The following MSL2 variants were observed in gnomAD, a reference collection of about 807,000 sequenced individuals.
The protein encoded by MSL2 is MSL complex subunit 2.
MSL2 carries 2 observed loss-of-function variants against 35.8 expected under a neutral mutation model. The observed-to-expected ratio is 0.06, with a 90% CI of 0.02 to 0.18. The LOEUF (loss-of-function observed/expected upper bound fraction) is 0.18. Among genes scored for constraint, MSL2 ranks in the 10% least tolerant of loss-of-function variants. The pLI is 1.00. For synonymous variants in MSL2, 296 were observed against 255.7 expected (o/e 1.16, Z -1.50); for missense variants, 523 against 706.7 (o/e 0.74, Z 2.95).
At chr3:136,160,089 T>C (rs956247965) in intron 1 of MSL2, among the ~76,000 whole-genome samples, 3 of 150,454 alleles carry the variant, frequency 2.0e-5, no homozygotes, top group Non-Finnish European at 3.0e-5. Context: ...CTGGCCAATG[T>C]GGCAAAACCC....
At chr3:136,160,918 C>T (rs1478193159) in intron 1 of MSL2, among the ~76,000 whole-genome samples, 1 of 151,836 alleles carries the variant, frequency 6.6e-6, no homozygotes, top group African/African-American at 2.4e-5. Flanking sequence ...GAAACCCCAT[C>T]TCTACTAAAA....
intron 1 of MSL2, among the ~76,000 whole-genome samples, chr3:136,167,909 T>C (rs1939897031): frequency 6.6e-6 from 1 of 152,164 alleles, no homozygotes; most frequent in African/African-American, 2.4e-5. Flanking sequence ...ATATGTGGCA[T>C]CCTACAAAAG....
intron 1 of MSL2, among the ~76,000 whole-genome samples, chr3:136,176,937 T>C (rs1940196677): frequency 6.6e-6 from 1 of 152,162 alleles, no homozygotes; most frequent in Non-Finnish European, 1.5e-5. Flanking sequence ...CTATAAAAGA[T>C]AACAAGCTCA....
chr3:136,160,289 A>G, intron 1 of MSL2, among the ~76,000 whole-genome samples: 1 of 134,040 alleles, frequency 7.5e-6, no homozygotes, highest in Non-Finnish European at 1.6e-5. Flanking sequence ...AAAAAAAAAA[A>G]AAAAAAAAAG....
At chr3:136,178,599 C>G (rs1940249534) in intron 1 of MSL2, among the ~76,000 whole-genome samples, 2 of 149,810 alleles carry the variant, frequency 1.3e-5, no homozygotes, top group South Asian at 4.2e-4. Flanking sequence ...GTGCTGCAAT[C>G]TCAGCTCACT....
intron 1 of MSL2, among the ~76,000 whole-genome samples, chr3:136,192,572 G>A (rs1213340248): frequency 2.0e-5 from 3 of 148,848 alleles, no homozygotes; most frequent in Admixed American, 1.3e-4. Flanking sequence ...AGAAAATTAA[G>A]AAAGCAAAGA....
rs1157084488 is a variant in MSL2, at chr3:136,189,121, A to C, written c.142+5851T>G. Among the ~76,000 whole-genome samples, 80 of 135,712 alleles carry C rather than the reference A, an allele frequency of 5.9e-4. 1 individual carries two copies. The highest frequency in any genetic ancestry group is 2.5e-3 in the African/African-American group (78 of 31,012). 89.0% of individuals were successfully genotyped at this position (135,712 alleles called of 152,430 possible). A position where few individuals can be genotyped will look rare whatever the true frequency, so the allele number is the denominator to read the frequency against. ...ACCCTGTCTCTACAAAAAAAAAAAA[A>C]AAAAAAAAAAAAAAACACACACACA... On this transcript the variant is annotated intron_variant, in intron 1 of 1. Coordinates refer to ENST00000309993, the MANE Select transcript of MSL2 (RefSeq NM_018133.4).
intron 1 of MSL2, among the ~76,000 whole-genome samples, chr3:136,154,079 G>A (rs371801943): frequency 5.5e-5 from 8 of 144,578 alleles, no homozygotes; most frequent in South Asian, 4.3e-4. Context: ...GCAAAACTCC[G>A]TCTCATTTAA....
rs780195832 is a variant in MSL2 at position 136,151,711 on chromosome 3, A to C, written c.1170T>G (p.Asn390Lys). 2 of 1,614,130 alleles carry C rather than the reference A, an allele frequency of 1.2e-6. No individual in the cohort carries two copies. The highest frequency in any genetic ancestry group is 1.7e-6 in the Non-Finnish European group (2 of 1,180,026). ...TGCTGATTTTAGGTGTTGTGCCTCC[A>C]TTGGGAACAGTTGCTATAGGTTGAA... ...ISLQPIATVP[N>K]GGTTPKISKT... is the part of the protein sequence containing the mutation. The change falls in exon 2 of 2, where the codon AAT (asparagine) becomes AAG (lysine). Residue 390 changes from asparagine (N) to lysine (K), a missense_variant. Asn to Lys is a moderately conservative substitution (Grantham distance 94). Coordinates refer to ENST00000309993, the MANE Select transcript of MSL2 (RefSeq NM_018133.4). This position sits in a 1 kb window ranked among gnomAD's most constrained non-coding sequence, Gnocchi z 5.2.
chr3:136,195,723 T>A lies in MSL2; in HGVS notation c.-610A>T. The A allele has an allele frequency of 1.0e-6, 1 of 983,806 alleles. No homozygotes were observed. Among genetic ancestry groups the A allele is most frequent in the African/African-American group, 1.8e-5 (1 of 56,688 alleles). 60.9% of individuals were successfully genotyped at this position (983,806 alleles called of 1,614,324 possible). Reference sequence around the variant, plus strand: ...GCGGACGCCGCCGCCGCGCTCTCCATATCGGACGCGGGGCCCAGACTGCGC... The same window carrying A: ...GCGGACGCCGCCGCCGCGCTCTCCAAATCGGACGCGGGGCCCAGACTGCGC... On this transcript the variant is annotated 5_prime_UTR_variant, in exon 1 of 2. The change abolishes an upstream ATG in the 5' untranslated region. Transcript: ENST00000309993.
intron 1 of MSL2, among the ~76,000 whole-genome samples, chr3:136,192,589 A>G (rs1428446027): frequency 2.0e-5 from 3 of 152,174 alleles, no homozygotes; most frequent in African/African-American, 2.4e-5. Context: ...AAGATAAAAA[A>G]AAAAAGAAAA....
intron 1 of MSL2, among the ~76,000 whole-genome samples, chr3:136,155,232 C>T (rs1412022859): frequency 6.7e-6 from 1 of 150,270 alleles, no homozygotes; most frequent in Non-Finnish European, 1.5e-5. Flanking sequence ...ACGCTGGATG[C>T]GGTGGCTCAT....
intron 1 of MSL2, among the ~76,000 whole-genome samples, chr3:136,182,817 G>A (rs1049513602): frequency 1.3e-5 from 2 of 152,116 alleles, no homozygotes; most frequent in South Asian, 4.1e-4. Context: ...TAAACTACCA[G>A]AGAAGCCCCA....
intron 1 of MSL2, among the ~76,000 whole-genome samples, chr3:136,153,735 A>G (rs1204323530): frequency 6.6e-6 from 1 of 151,350 alleles, no homozygotes; most frequent in Non-Finnish European, 1.5e-5. Flanking sequence ...GGTAGCAGTG[A>G]GCTGAGATCA....
At chr3:136,194,722 A>C (rs982376613) in intron 1 of MSL2, among the ~76,000 whole-genome samples, 1 of 151,726 alleles carries the variant, frequency 6.6e-6, no homozygotes, top group African/African-American at 2.4e-5. Flanking sequence ...CCACCACCAG[A>C]TGAACCGAGG....
intron 1 of MSL2, among the ~76,000 whole-genome samples, chr3:136,171,987 G>A (rs1434599620): frequency 1.3e-5 from 2 of 152,076 alleles, no homozygotes; most frequent in Admixed American, 6.6e-5. Context: ...ACCTCCTGGG[G>A]CTCAAGCAAT....
intron 1 of MSL2, among the ~76,000 whole-genome samples, chr3:136,153,308 TATTG>T (rs1036511871): frequency 5.3e-5 from 8 of 152,156 alleles, no homozygotes; most frequent in Middle Eastern, 3.2e-3. Flanking sequence ...AACAAAATCA[TATTG>T]ATTATTTTTT....
intron 1 of MSL2, among the ~76,000 whole-genome samples, chr3:136,185,917 A>G (rs1451605481): frequency 6.6e-6 from 1 of 152,196 alleles, no homozygotes; most frequent in East Asian, 1.9e-4. Context: ...AATGGAGACA[A>G]TTACATACAG....
Position 136,151,143 on chromosome 3 carries a change from T to C in MSL2, c.*4A>G. ...CCAGGAGTAGGTTTAAAAGACCCAC[T>C]GATTTAACAGTCGAATCTCATGTCT... On this transcript the variant is annotated 3_prime_UTR_variant, in exon 2 of 2. Coordinates refer to ENST00000309993, the MANE Select transcript of MSL2 (RefSeq NM_018133.4). The surrounding 1 kb of genome is among the most constrained non-coding windows in gnomAD (Gnocchi z 5.2). 3.1e-6 allele frequency: 5 copies of C among 1,604,750 alleles called. No individual in the cohort carries two copies. The highest frequency in any genetic ancestry group is 4.3e-6 in the Non-Finnish European group (5 of 1,172,076).
Sources: allele counts gnomAD v4.1 joint callset (sites outside exome capture counted in the v4.1 genomes callset), GRCh38; gene constraint gnomAD v4.1.1; non-coding constraint Gnocchi (gnomAD v3.1); transcripts MANE v1.5; gene names NCBI Gene and HGNC (gene_info 2026-07-23, HGNC 2026-07-21).